The following RGS6 variants were observed in gnomAD, a reference collection of about 807,000 sequenced individuals.
RGS6 encodes the protein regulator of G protein signaling 6.
In RGS6, 30 loss-of-function variants were observed where a neutral mutation model predicts 78.5. The observed-to-expected ratio is 0.38, with a 90% confidence interval of 0.29 to 0.52. RGS6 has a LOEUF of 0.52. Ranked by LOEUF, RGS6 falls within the 20% of genes least tolerant of loss-of-function variation. RGS6 has a pLI of 0.85. For synonymous variants in RGS6, 206 were observed against 206.0 expected (o/e 1.00, Z 0.00); for missense variants, 495 against 609.7 (o/e 0.81, Z 1.98).
intron 2 of RGS6, among the ~76,000 whole-genome samples, chr14:72,089,389 T>G (rs2095181486): frequency 6.6e-6 from 1 of 152,236 alleles, no homozygotes; most frequent in Non-Finnish European, 1.5e-5. Flanking sequence ...GTAGTGTACA[T>G]TTCAGTGAAT....
At chr14:72,350,615 T>C (rs1044266569) in intron 2 of RGS6, among the ~76,000 whole-genome samples, 1 of 152,176 alleles carries the variant, frequency 6.6e-6, no homozygotes, top group Non-Finnish European at 1.5e-5. Context: ...CCCTGGCACA[T>C]TGACCAGCAA....
the RGS6 span, among the ~76,000 whole-genome samples, chr14:71,896,599 G>T: frequency 6.6e-6 from 1 of 152,166 alleles, no homozygotes; most frequent in Admixed American, 6.5e-5. Flanking sequence ...TGGGAATGCA[G>T]CCCAGTAGGT....
At chr14:72,283,113 T>C (rs73302898) in intron 2 of RGS6, among the ~76,000 whole-genome samples, 6,238 of 152,296 alleles carry the variant, frequency 0.041, 387 homozygotes, top group African/African-American at 0.14. Flanking sequence ...AATTTCCTTT[T>C]TTAAGGCTGA....
intron 2 of RGS6, among the ~76,000 whole-genome samples, chr14:72,172,228 T>C (rs2097031457): frequency 6.6e-6 from 1 of 151,592 alleles, no homozygotes; most frequent in Non-Finnish European, 1.5e-5. Context: ...CTCTTTTAGA[T>C]TTCCATAGAA....
chr14:72,560,724 T>C (rs2097661195), intron 17 of RGS6, among the ~76,000 whole-genome samples: 1 of 152,126 alleles, frequency 6.6e-6, no homozygotes, highest in Non-Finnish European at 1.5e-5. Flanking sequence ...CAAGTATAAA[T>C]GTATCCTGCT....
intron 2 of RGS6, among the ~76,000 whole-genome samples, chr14:72,025,842 C>T (rs1323340380): frequency 6.6e-6 from 1 of 152,014 alleles, no homozygotes; most frequent in Non-Finnish European, 1.5e-5. Flanking sequence ...ATGTCAGAGC[C>T]AAGATCCAAA....
intron 2 of RGS6, among the ~76,000 whole-genome samples, chr14:72,272,093 G>A (rs1420350675): frequency 6.6e-6 from 1 of 152,064 alleles, no homozygotes; most frequent in Non-Finnish European, 1.5e-5. Context: ...TCCAAGTTCT[G>A]GGGATTAGGA....
At chr14:72,502,354 A>G (rs2096737845) in intron 13 of RGS6, among the ~76,000 whole-genome samples, 1 of 152,134 alleles carries the variant, frequency 6.6e-6, no homozygotes, top group Non-Finnish European at 1.5e-5. Flanking sequence ...TCCAACTACA[A>G]CCATGTGATC....
chr14:72,077,392 C>T (rs1236416445), intron 2 of RGS6, among the ~76,000 whole-genome samples: 1 of 151,988 alleles, frequency 6.6e-6, no homozygotes, highest in East Asian at 1.9e-4. Flanking sequence ...AGTCTTTTAA[C>T]CTTTGTTTAG....
chr14:72,590,116 A>C, the RGS6 span, among the ~76,000 whole-genome samples: 2 of 152,220 alleles, frequency 1.3e-5, no homozygotes, highest in Non-Finnish European at 2.9e-5. Flanking sequence ...TAGAATGTCT[A>C]AAATTAAAAA....
chr14:72,206,027 C>G (rs1401180974), intron 2 of RGS6, among the ~76,000 whole-genome samples: 16 of 152,120 alleles, frequency 1.1e-4, no homozygotes, highest in Non-Finnish European at 1.9e-4. Context: ...AATCTTAAAT[C>G]ATTCTTGCAC....
At chr14:72,021,959 C>T (rs2088697742) in intron 2 of RGS6, among the ~76,000 whole-genome samples, 1 of 151,850 alleles carries the variant, frequency 6.6e-6, no homozygotes, top group South Asian at 2.1e-4. Flanking sequence ...ACCCCAGTGT[C>T]TGCTGTTTCT....
chr14:72,597,731 C>A, the RGS6 span, among the ~76,000 whole-genome samples: 1 of 152,156 alleles, frequency 6.6e-6, no homozygotes, highest in African/African-American at 2.4e-5. Flanking sequence ...TGGGCCCTGA[C>A]GGACATTGGA....
At position 72,210,407 on chromosome 14, in the gene RGS6, T is replaced by G. The variant is rs905803625; in HGVS notation, c.85-141688T>G. Reference sequence around the variant, plus strand: ...TTTCATCGTCAGATTTGTCCAAAATTTAACACCTGTGTGTGTCTAATCAAG... The same window carrying G: ...TTTCATCGTCAGATTTGTCCAAAATGTAACACCTGTGTGTGTCTAATCAAG... On this transcript the variant is annotated intron_variant, in intron 2 of 17. Transcript: ENST00000553525. Among the ~76,000 whole-genome samples the G allele has an allele frequency of 2.0e-5, 3 of 152,216 alleles. No individual in the cohort carries two copies. The East Asian group carries it at 5.8e-4, about 29-fold the overall frequency.
intron 2 of RGS6, among the ~76,000 whole-genome samples, chr14:72,246,175 C>T (rs2153832462): frequency 6.6e-6 from 1 of 152,352 alleles, no homozygotes; most frequent in South Asian, 2.1e-4. Context: ...GACCCACTGG[C>T]TTCCTACAGG....
chr14:72,447,161 G>A (rs1027934893), intron 3 of RGS6, among the ~76,000 whole-genome samples: 2 of 152,132 alleles, frequency 1.3e-5, no homozygotes, highest in African/African-American at 4.8e-5. Flanking sequence ...CAGGAGAGGT[G>A]GGGGAAGAAG....
intron 3 of RGS6, among the ~76,000 whole-genome samples, chr14:72,434,751 T>G (rs1597458500): frequency 6.6e-6 from 1 of 152,176 alleles, no homozygotes. Flanking sequence ...CCTCCTGAAA[T>G]CCATTAAATT....
At chr14:72,240,715 G>A (rs373848775) in intron 2 of RGS6, among the ~76,000 whole-genome samples, 32 of 152,120 alleles carry the variant, frequency 2.1e-4, no homozygotes, top group African/African-American at 7.5e-4. Flanking sequence ...AGGTAAATTT[G>A]AAAGGTATGT....
intron 1 of RGS6, among the ~76,000 whole-genome samples, chr14:71,959,762 C>G (rs2079168336): frequency 6.6e-6 from 1 of 152,112 alleles, no homozygotes; most frequent in African/African-American, 2.4e-5. Context: ...TTGGCCAAAC[C>G]CTGGCTTAGA....
Sources: allele counts gnomAD v4.1 joint callset (sites outside exome capture counted in the v4.1 genomes callset), GRCh38; gene constraint gnomAD v4.1.1; transcripts MANE v1.5; gene names NCBI Gene and HGNC (gene_info 2026-07-23, HGNC 2026-07-21).